POLR1C: variants seen among roughly 807,000 people sequenced by gnomAD.
POLR1C encodes RNA polymerase I and III subunit C.
POLR1C carries 42 observed loss-of-function variants against 38.3 expected under a neutral mutation model. That is an observed-to-expected ratio of 1.10 (90% CI 0.86 to 1.42). The LOEUF is 1.42. Ranked by LOEUF, POLR1C falls within the 40% of genes most tolerant of loss-of-function variation. POLR1C has a pLI of 0.00. For synonymous variants in POLR1C, 163 were observed against 163.9 expected (o/e 0.99, Z 0.04); for missense variants, 507 against 450.5 (o/e 1.13, Z -1.14).
downstream of POLR1C, chr6:43,533,562 A>G (rs374377258): frequency 3.3e-3 from 589 of 181,060 alleles, 3 homozygotes; most frequent in African/African-American, 0.012. Context: ...GGAACCCATA[A>G]GAACGCCTGT....
intron 10 of POLR1C, chr6:43,560,378 A>G (rs1762355360): frequency 1.4e-6 from 2 of 1,469,286 alleles, no homozygotes; most frequent in South Asian, 1.3e-5. Context: ...AGCAGTTATC[A>G]ACTACATTTT....
downstream of POLR1C, chr6:43,533,998 A>G (rs1027767029): frequency 1.3e-6 from 2 of 1,599,790 alleles, no homozygotes; most frequent in East Asian, 2.3e-5. Context: ...CATATAATGT[A>G]TTGTGGGTTC....
intron 9 of POLR1C, among the ~76,000 whole-genome samples, chr6:43,534,936 G>A (rs1426352310): frequency 6.6e-6 from 1 of 152,000 alleles, no homozygotes; most frequent in Non-Finnish European, 1.5e-5. Context: ...CAGAGGTTGT[G>A]GTGAGCCGAG....
In POLR1C at chr6:43,520,758, G is replaced by C. The variant is rs766857713; in HGVS notation, c.789G>C (p.Glu263Asp). 2.5e-6 allele frequency: 4 copies of C among 1,613,976 alleles called. No individual in the cohort carries two copies. The African/African-American group carries it at 5.3e-5, about 22-fold the overall frequency. ...LSRCFSPGVI[E>D]VQEVQGKKVA... ...GGTGCTTCTCACCTGGTGTTATTGA[G>C]GTGCAGGAAGTCCAAGGTATGGTAT... The change falls in exon 7 of 9, where the codon GAG becomes GAC. Residue 263 changes from glutamate (E) to aspartate (D), a missense_variant. Glu to Asp is a conservative substitution (Grantham distance 45, BLOSUM62 2). Coordinates refer to ENST00000642195, the MANE Select transcript of POLR1C (RefSeq NM_203290.4).
At chr6:43,526,782 T>A (rs1243673820) in intron 8 of POLR1C, 1 of 1,606,396 alleles carries the variant, frequency 6.2e-7, no homozygotes, top group East Asian at 2.2e-5. Flanking sequence ...AGGTGAAGGG[T>A]GGGTATATAC....
chr6:43,528,518 A>G (rs1166889476), intron 8 of POLR1C, among the ~76,000 whole-genome samples: 4 of 152,136 alleles, frequency 2.6e-5, no homozygotes, highest in African/African-American at 7.2e-5. Flanking sequence ...ATTCTAGAGT[A>G]AGGATAACAG....
At chr6:43,520,212 G>A in intron 5 of POLR1C, 27 bp downstream of exon 5, 1 of 1,614,072 alleles carries the variant, frequency 6.2e-7, no homozygotes, top group Non-Finnish European at 8.5e-7. Context: ...TGAGGAAGAG[G>A]CCCCACCTGT....
Position 43,536,758 on chromosome 6 carries a change from T to TAAAAAAAAAAAAAAA in POLR1C, c.*4+7417_*4+7431dup, listed in dbSNP as rs1156884252. Among the ~76,000 whole-genome samples, 5 of 19,100 alleles carry TAAAAAAAAAAAAAAA rather than the reference T, an allele frequency of 2.6e-4. 2 individuals are homozygous for TAAAAAAAAAAAAAAA. Among genetic ancestry groups the TAAAAAAAAAAAAAAA allele is most frequent in the African/African-American group, 4.9e-4 (2 of 4,094 alleles). The allele number at this position is 19,100 out of a possible 152,430, so 12.5% of individuals were successfully genotyped here. On this transcript the variant is annotated intron_variant, in intron 9 of 10. Coordinates refer to the POLR1C transcript ENST00000607635. ...CTGGACGACAGAGTGAGACTCTATCTAAAAAAAAAAAAAAAAAAAAAAAAA... is the reference window on the plus strand; with the variant it reads ...CTGGACGACAGAGTGAGACTCTATCTAAAAAAAAAAAAAAAAAAAAAAAAAAAAAAAAAAAAAAAA...
intron 10 of POLR1C, chr6:43,555,619 G>A (rs944600670): frequency 3.1e-5 from 13 of 413,424 alleles, no homozygotes; most frequent in Admixed American, 1.2e-4. Context: ...AACTGATAAG[G>A]ACATGGTTTT....
At chr6:43,531,068 TG>T (rs1329286872), downstream of POLR1C, among the ~76,000 whole-genome samples, 1 of 152,236 alleles carries the variant, frequency 6.6e-6, no homozygotes, top group Non-Finnish European at 1.5e-5. Context: ...TTAGCTTGGC[TG>T]ATTAGTGTAG....
At chr6:43,527,762 G>A (rs772501371) in intron 8 of POLR1C, 2 of 1,611,256 alleles carry the variant, frequency 1.2e-6, no homozygotes, top group East Asian at 2.2e-5. Flanking sequence ...AAGTTCCACA[G>A]GAGTGCAGAA....
At chr6:43,537,232 A>G (rs924056708) in intron 9 of POLR1C, among the ~76,000 whole-genome samples, 1 of 148,394 alleles carries the variant, frequency 6.7e-6, no homozygotes, top group African/African-American at 2.5e-5. Flanking sequence ...CTGGCCTCCC[A>G]AAGTGCTGAA....
chr6:43,525,424 C>T (rs754647381), downstream of POLR1C: 49 of 560,246 alleles, frequency 8.7e-5, no homozygotes, highest in Non-Finnish European at 1.5e-4. Context: ...AGGTGTGTGC[C>T]ACCATGCCTG....
chr6:43,555,674 G>A (rs1582231814), intron 10 of POLR1C: 2 of 727,654 alleles, frequency 2.7e-6, no homozygotes, highest in Non-Finnish European at 4.0e-6. Flanking sequence ...TGCTTTCTTT[G>A]TGTCAGCCAA....
At position 43,559,969 on chromosome 6, in the gene POLR1C, A is replaced by G. The variant is rs559848728; in HGVS notation, c.*49-1431A>G. On this transcript the variant is annotated intron_variant, in intron 10 of 10. Transcript: ENST00000607635. ...GTAGCTGGGTCTACAGGTGCATACC[A>G]ACATGCCCTGCTAATTTTTTTGTAT... 6.6e-5 allele frequency among the ~76,000 whole-genome samples: 10 copies of G among 152,320 alleles called. No individual in the cohort carries two copies. In the East Asian group the frequency reaches 1.9e-3, roughly 29 times the overall value.
chr6:43,557,916 A>G (rs965090972), intron 10 of POLR1C, among the ~76,000 whole-genome samples: 14 of 151,850 alleles, frequency 9.2e-5, no homozygotes, highest in African/African-American at 3.4e-4. Flanking sequence ...ACCAACATGG[A>G]GAAACCCCAT....
rs898159258 is a variant in POLR1C at position 43,551,104 on chromosome 6, G to A, written c.*48+93G>A. The stretch of plus-strand genomic sequence containing the variant: ...TTAAAAATAGTTACAAAAATAATTA[G>A]CCTAGGCCAGGCATGGTTGTGCATG... On this transcript the variant is annotated intron_variant, in intron 10 of 10. Coordinates refer to the POLR1C transcript ENST00000607635. The A allele has an allele frequency of 1.8e-5, 8 of 434,596 alleles. No homozygotes were observed. The South Asian group carries it at 2.3e-4, about 12-fold the overall frequency. The allele number at this position is 434,596 out of a possible 1,614,324, so 26.9% of individuals were successfully genotyped here.
chr6:43,523,930 T>C (rs761034663), downstream of POLR1C: 33 of 1,613,912 alleles, frequency 2.0e-5, no homozygotes, highest in East Asian at 4.5e-5. Flanking sequence ...GTCTCCAGCA[T>C]TGGCTTTGTT....
At chr6:43,549,998 G>C in intron 9 of POLR1C, 1 of 1,550,448 alleles carries the variant, frequency 6.4e-7, no homozygotes, top group Non-Finnish European at 8.8e-7. Flanking sequence ...ATCTTGCTAT[G>C]TTGCCCAGAC....
Sources: gnomAD v4.1 joint callset for allele counts (sites outside exome capture counted in the v4.1 genomes callset) on GRCh38, gnomAD v4.1.1 for gene constraint, MANE v1.5 for transcripts, NCBI Gene and HGNC (gene_info 2026-07-23, HGNC 2026-07-21) for gene names.